The following TNK2 variants were observed in gnomAD, a reference collection of about 807,000 sequenced individuals.
The protein encoded by TNK2 is activated CDC42 kinase 1.
In TNK2, 83 loss-of-function variants were observed where a neutral mutation model predicts 101.8. The observed-to-expected ratio is 0.82, with a 90% CI of 0.68 to 0.98. The LOEUF (loss-of-function observed/expected upper bound fraction) is 0.98, where lower values mean the gene tolerates loss of function less well. Ranked by LOEUF, TNK2 falls within the 50% of genes least tolerant of loss-of-function variation. The pLI, the probability that TNK2 is intolerant of heterozygous loss-of-function variation, is 0.00. For missense variants in TNK2, 1,665 were observed against 1,483.2 expected (o/e 1.12, Z -2.01); for synonymous variants, 804 against 633.0 (o/e 1.27, Z -4.06).
rs117648511 is a variant in TNK2 at position 195,870,259 on chromosome 3, C to T, written c.1452-54G>A. 4.9e-4 allele frequency: 780 copies of T among 1,595,814 alleles called. 8 individuals carry two copies. In the East Asian group the frequency reaches 0.017, roughly 34 times the overall value. ...GCAGGGGAAGCGTGTGGAGGGGTGG[C>T]AGAATCTCATCAGAGCCCCTTCGTC... On this transcript the variant is annotated intron_variant, in intron 10 of 15. Transcript: ENST00000672887.
intron 1 of TNK2, among the ~76,000 whole-genome samples, chr3:195,898,285 C>T (rs1760855391): frequency 6.6e-6 from 1 of 152,184 alleles, no homozygotes; most frequent in African/African-American, 2.4e-5. Flanking sequence ...GATCAGGAGT[C>T]AGGCAGATGG....
rs769966957 is a variant in TNK2 at position 195,884,925 on chromosome 3, G to C, written c.343C>G (p.Gln115Glu). Residue 115 changes from glutamine to glutamate, a missense_variant, in exon 4 of 16, where the codon CAG becomes GAG. Physicochemically the swap from Gln to Glu is conservative, Grantham distance 29 (BLOSUM62 2). Around this residue, in one of 3 missense-constraint regions of TNK2, gnomAD observed 490 missense variants for 522.5 expected, o/e 0.94. Transcript: ENST00000672887. ...TCCCCAATGAGGCAGGTGAGGCTCT[G>C]CAGGGGCCCCTCCCCTGCTGGGCCC... ...PGGPAGEGPL[Q>E]SLTCLIGEKD... 1 of 1,614,098 alleles carries C rather than the reference G, an allele frequency of 6.2e-7. No individual in the cohort carries two copies. Among genetic ancestry groups the C allele is most frequent in the Non-Finnish European group, 8.5e-7 (1 of 1,180,008 alleles).
At position 195,889,668 on chromosome 3, in the gene TNK2, G is replaced by A. The variant is rs548211755; in HGVS notation, c.-18-1062C>T. Among the ~76,000 whole-genome samples the A allele has an allele frequency of 4.1e-4, 62 of 152,302 alleles. 2 individuals carry two copies. The highest frequency in any genetic ancestry group is 1.3e-3 in the African/African-American group (53 of 41,558). ...TGCTGGCCAAAGCACACTGCAGGCC[G>A]CAATCAGCCAGTGGTACCGGAGAGT... On this transcript the variant is annotated intron_variant, in intron 1 of 15. Coordinates refer to ENST00000672887, the MANE Select transcript of TNK2 (RefSeq NM_001382273.1).
chr3:195,866,768 G>T, intron 15 of TNK2, 121 bp downstream of exon 15: 1 of 1,405,122 alleles, frequency 7.1e-7, no homozygotes, highest in Non-Finnish European at 9.5e-7. Context: ...TCCCGCAGCT[G>T]GAGAGCTGTG....
In TNK2 at chr3:195,887,063, G is replaced by A. The variant is rs1755976025; in HGVS notation, c.164-16C>T. The A allele has an allele frequency of 4.4e-6, 7 of 1,608,592 alleles. No individual in the cohort carries two copies. In the East Asian group the frequency reaches 1.6e-4, roughly 36 times the overall value. On this transcript the variant is annotated splice_polypyrimidine_tract_variant and intron_variant, in intron 2 of 15. Transcript: ENST00000672887. ...CGCCGCTGGCCTGCAGGGAGAGCGG[G>A]GAACCGCGTGCTGTGAAGGCCGCCG... is the stretch of plus-strand genomic sequence containing the variant.
At position 195,886,738 on chromosome 3, in the gene TNK2, A is replaced by G. The variant is rs1193449343; in HGVS notation, c.234+239T>C. Among the ~76,000 whole-genome samples, 1 of 152,176 alleles carries G rather than the reference A, an allele frequency of 6.6e-6. No individual in the cohort carries two copies. Among genetic ancestry groups the G allele is most frequent in the Non-Finnish European group, 1.5e-5 (1 of 68,026 alleles). On this transcript the variant is annotated intron_variant, in intron 3 of 15. Coordinates refer to ENST00000672887, the MANE Select transcript of TNK2 (RefSeq NM_001382273.1). This position sits in a 1 kb window ranked among gnomAD's most constrained non-coding sequence, Gnocchi z 4.2. The stretch of plus-strand genomic sequence containing the variant: ...CCAGGCGTGCCGAGAGGGGCTGTGA[A>G]GGCCTCACCGCACACAGGCTGCTCA...
chr3:195,885,218 A>G lies in TNK2; in HGVS notation c.235-185T>C, dbSNP rs1755077633. On this transcript the variant is annotated intron_variant, in intron 3 of 15. Coordinates refer to ENST00000672887, the MANE Select transcript of TNK2 (RefSeq NM_001382273.1). This position sits in a 1 kb window ranked among gnomAD's most constrained non-coding sequence, Gnocchi z 4.7. ...CTCCGTCCAGGGCACACCCCCAAAC[A>G]TGAACCCAAAGCCTGATGCTGGCCT... The G allele has an allele frequency of 9.9e-7, 1 of 1,013,092 alleles. No homozygotes were observed. Among genetic ancestry groups the G allele is most frequent in the Non-Finnish European group, 1.4e-6 (1 of 711,742 alleles). 62.8% of individuals were successfully genotyped at this position (1,013,092 alleles called of 1,614,324 possible). A position where few individuals can be genotyped will look rare whatever the true frequency, so the allele number is the denominator to read the frequency against.
At position 195,878,903 on chromosome 3, in the gene TNK2, G is replaced by T. The variant is rs892185643; in HGVS notation, c.1014+146C>A. 2.6e-5 allele frequency: 34 copies of T among 1,309,786 alleles called. No individual in the cohort carries two copies. Among genetic ancestry groups the T allele is most frequent in the Non-Finnish European group, 3.4e-5 (32 of 946,036 alleles). The allele number at this position is 1,309,786 out of a possible 1,614,324, so 81.1% of individuals were successfully genotyped here. ...GGGCGTGAGAGGAGACACGGGGCGT[G>T]GTGGGAGGCACGGGAAGTGGGGGGA... is the stretch of plus-strand genomic sequence containing the variant. On this transcript the variant is annotated intron_variant, in intron 7 of 15. Coordinates refer to ENST00000672887, the MANE Select transcript of TNK2 (RefSeq NM_001382273.1). The surrounding 1 kb of genome is among the most constrained non-coding windows in gnomAD (Gnocchi z 4.7).
At chr3:195,870,799 G>A (rs1316249005) in intron 10 of TNK2, among the ~76,000 whole-genome samples, 5 of 152,270 alleles carry the variant, frequency 3.3e-5, no homozygotes, top group African/African-American at 1.2e-4. Context: ...GCCTCTCCTG[G>A]AGGTGTCTGC....
chr3:195,878,981 G>A lies in TNK2; in HGVS notation c.1014+68C>T, dbSNP rs2149462965. 1 of 1,584,898 alleles carries A rather than the reference G, an allele frequency of 6.3e-7. No homozygotes were observed. The highest frequency in any genetic ancestry group is 8.6e-7 in the Non-Finnish European group (1 of 1,166,724). On this transcript the variant is annotated intron_variant, in intron 7 of 15. Coordinates refer to ENST00000672887, the MANE Select transcript of TNK2 (RefSeq NM_001382273.1). The surrounding 1 kb of genome is among the most constrained non-coding windows in gnomAD (Gnocchi z 4.7). ...ATTGGTGAGAGGCAGTTCCAGCAGG[G>A]CCAGGCTGCAAGCAGGGAATGGAAT...
At chr3:195,887,976 ATGCCTG>A (rs1756839617) in intron 2 of TNK2, among the ~76,000 whole-genome samples, 1 of 140,396 alleles carries the variant, frequency 7.1e-6, no homozygotes, top group Non-Finnish European at 1.6e-5. Flanking sequence ...GTGTGTGTGT[ATGCCTG>A]TGCGTGTGCA....
chr3:195,879,044 C>CT lies in TNK2; in HGVS notation c.1014+4dup. On this transcript the variant is annotated splice_donor_region_variant and intron_variant, in intron 7 of 15. Coordinates refer to ENST00000672887, the MANE Select transcript of TNK2 (RefSeq NM_001382273.1). ...CCCTATGGGGGCCCGTCTCCCAGCC[C>CT]TCACCTGACTGCCGTTGAGGCCGAT... 6.2e-7 allele frequency: 1 copy of CT among 1,613,142 alleles called. No individual in the cohort carries two copies. Among genetic ancestry groups the CT allele is most frequent in the Non-Finnish European group, 8.5e-7 (1 of 1,179,884 alleles).
intron 1 of TNK2, among the ~76,000 whole-genome samples, chr3:195,900,894 C>G (rs1327745914): frequency 2.0e-5 from 3 of 152,208 alleles, no homozygotes; most frequent in Non-Finnish European, 4.4e-5. Context: ...CAGGCCATAC[C>G]CCACCCCCAA....
rs926452895 is a variant in TNK2, at chr3:195,885,825, G to C, written c.235-792C>G. 14 of 327,562 alleles carry C rather than the reference G, an allele frequency of 4.3e-5. No homozygotes were observed. The highest frequency in any genetic ancestry group is 2.2e-4 in the African/African-American group (10 of 46,024). 20.3% of individuals were successfully genotyped at this position (327,562 alleles called of 1,614,324 possible). On this transcript the variant is annotated intron_variant, in intron 3 of 15. Coordinates refer to ENST00000672887, the MANE Select transcript of TNK2 (RefSeq NM_001382273.1). This position sits in a 1 kb window ranked among gnomAD's most constrained non-coding sequence, Gnocchi z 4.7. ...CCTCCACTGAGGCACCCACAGCCTTGGCTCCAGATTGCAGATTCTTGCCAG... is the reference window on the plus strand; with the variant it reads ...CCTCCACTGAGGCACCCACAGCCTTCGCTCCAGATTGCAGATTCTTGCCAG...
chr3:195,870,164 C>A lies in TNK2; in HGVS notation c.1493G>T (p.Ser498Ile). The A allele has an allele frequency of 6.6e-7, 1 of 1,519,222 alleles. No individual in the cohort carries two copies. Among genetic ancestry groups the A allele is most frequent in the Non-Finnish European group, 8.9e-7 (1 of 1,128,374 alleles). 94.1% of individuals were successfully genotyped at this position (1,519,222 alleles called of 1,614,324 possible). ...GNPMDPPDLL[S>I]VELSTSRPPQ... ...GGGCCGGGAGGTGCTCAGTTCCACG[C>A]TCAGGAGGTCGGGGGGGTCCATGGG... The change falls in exon 11 of 16, where the codon AGC becomes ATC. Residue 498 changes from serine to isoleucine, a missense_variant. Ser to Ile is a moderately radical substitution (Grantham distance 142). Coordinates refer to ENST00000672887, the MANE Select transcript of TNK2 (RefSeq NM_001382273.1).
intron 1 of TNK2, chr3:195,892,100 G>A (rs1243121991): frequency 7.2e-6 from 5 of 693,608 alleles, no homozygotes; most frequent in Non-Finnish European, 9.7e-6. Context: ...GGTTCTTTGT[G>A]CAGCACAGGG....
chr3:195,878,648 T>TCCCGCCTTCCCTC lies in TNK2; in HGVS notation c.1015-69_1015-57dup. ...CAAACAGAGCGCCCAGCCCTTCACT[T>TCCCGCCTTCCCTC]CCCGCCTTCCCTCCAGCCCATCCAC... On this transcript the variant is annotated intron_variant, in intron 7 of 15. Transcript: ENST00000672887. The surrounding 1 kb of genome is among the most constrained non-coding windows in gnomAD (Gnocchi z 4.7). 6.3e-7 allele frequency: 1 copy of TCCCGCCTTCCCTC among 1,579,096 alleles called. No individual in the cohort carries two copies.
chr3:195,887,807 T>C (rs1210681814), intron 2 of TNK2, among the ~76,000 whole-genome samples: 1 of 149,378 alleles, frequency 6.7e-6, no homozygotes, highest in African/African-American at 2.5e-5. Flanking sequence ...GTGTATGCCG[T>C]GCGTGTGCAT....
chr3:195,869,657 G>C (rs965051777), intron 11 of TNK2, 116 bp from the exon 12 acceptor site: 4 of 1,057,328 alleles, frequency 3.8e-6, no homozygotes, highest in Middle Eastern at 4.2e-4. Context: ...AGAAGTGAAT[G>C]GGGGCGAGTG....
Sources: gnomAD v4.1 joint callset for allele counts (sites outside exome capture counted in the v4.1 genomes callset) on GRCh38, gnomAD v4.1.1 for gene constraint, gnomAD v4.1.1 regional missense constraint, Gnocchi (gnomAD v3.1) non-coding constraint, MANE v1.5 for transcripts, NCBI Gene and HGNC (gene_info 2026-07-23, HGNC 2026-07-21) for gene names.